Variants in HEBP1 observed in about 807,000 individuals in gnomAD.
The protein encoded by HEBP1 is heme binding protein 1, also known as heme-binding protein 1.
In HEBP1, 13 loss-of-function variants were observed where a neutral mutation model predicts 20.4. That is an observed-to-expected ratio of 0.64 (90% CI 0.42 to 1.01). HEBP1 has a LOEUF of 1.01. HEBP1 is among the 50% of genes least tolerant of loss of function. The pLI is 0.00. For missense variants in HEBP1, 241 were observed against 247.3 expected (o/e 0.97, Z 0.17); for synonymous variants, 92 against 90.7 (o/e 1.01, Z -0.08).
At chr12:12,995,500 C>T (rs558162462) in intron 1 of HEBP1, among the ~76,000 whole-genome samples, 13 of 152,244 alleles carry the variant, frequency 8.5e-5, no homozygotes, top group African/African-American at 2.4e-4. Context: ...ATGAGGACCT[C>T]GTCTAATAGG....
Position 12,989,380 on chromosome 12 carries a change from G to T in HEBP1, c.114C>A (p.Gly38=). ...TCACTTCTACTGTGGCAAATTTGCC[G>T]CCTTCACAGGCCCTTTCTTCATAGG... is the stretch of plus-strand genomic sequence containing the variant. ...EVAYEERACE[G]GKFATVEVTD... is the part of the protein sequence containing the mutation. The change falls in exon 2 of 4, where the codon GGC becomes GGA. Residue 38 remains glycine, a synonymous_variant. Coordinates refer to ENST00000014930, the MANE Select transcript of HEBP1 (RefSeq NM_015987.5). The T allele has an allele frequency of 6.2e-7, 1 of 1,614,110 alleles. No homozygotes were observed. The highest frequency in any genetic ancestry group is 8.5e-7 in the Non-Finnish European group (1 of 1,179,962).
At chr12:12,988,815 G>A (rs188267946) in intron 2 of HEBP1, among the ~76,000 whole-genome samples, 1 of 152,094 alleles carries the variant, frequency 6.6e-6, no homozygotes, top group Admixed American at 6.5e-5. Context: ...TTGCCAGACA[G>A]GGTCTGGAAC....
At chr12:12,984,992 A>G (rs1429569444) in intron 3 of HEBP1, among the ~76,000 whole-genome samples, 2 of 151,896 alleles carry the variant, frequency 1.3e-5, no homozygotes, top group African/African-American at 4.8e-5. Context: ...TCTACTAAAA[A>G]ACTACAAATA....
At chr12:12,982,522 T>C (rs1003347182) in intron 3 of HEBP1, among the ~76,000 whole-genome samples, 1 of 152,182 alleles carries the variant, frequency 6.6e-6, no homozygotes, top group Non-Finnish European at 1.5e-5. Flanking sequence ...TCCAAACTTC[T>C]CTTTCTCTAG....
At chr12:12,992,445 C>T (rs1321742296) in intron 1 of HEBP1, among the ~76,000 whole-genome samples, 1 of 151,608 alleles carries the variant, frequency 6.6e-6, no homozygotes, top group Non-Finnish European at 1.5e-5. Flanking sequence ...CTCAGGTGTT[C>T]TGCCCACCTC....
Position 12,989,365 on chromosome 12 carries a change from T to G in HEBP1, c.129A>C (p.Thr43=). Residue 43 remains threonine, a synonymous_variant, in exon 2 of 4, where the codon ACA becomes ACC. Coordinates refer to ENST00000014930, the MANE Select transcript of HEBP1 (RefSeq NM_015987.5). The part of the protein sequence containing the change: ...ERACEGGKFA[T]VEVTDKPVDE... The stretch of plus-strand genomic sequence containing the variant: ...CCACAGGCTTATCTGTCACTTCTAC[T>G]GTGGCAAATTTGCCGCCTTCACAGG... The G allele has an allele frequency of 6.2e-7, 1 of 1,614,238 alleles. No homozygotes were observed. The highest frequency in any genetic ancestry group is 8.5e-7 in the Non-Finnish European group (1 of 1,180,018).
At chr12:12,976,724 A>C (rs558053400) in intron 3 of HEBP1, among the ~76,000 whole-genome samples, 13 of 152,324 alleles carry the variant, frequency 8.5e-5, no homozygotes, top group African/African-American at 3.1e-4. Flanking sequence ...TGAAACTGAG[A>C]CCAATTTTGA....
At chr12:12,983,452 G>A (rs187478844) in intron 3 of HEBP1, 1 of 294,980 alleles carries the variant, frequency 3.4e-6, no homozygotes, top group Non-Finnish European at 6.8e-6. Context: ...AATGAAGGAC[G>A]CCAGGCTTTC....
chr12:12,988,306 C>T lies in HEBP1; in HGVS notation c.217+971G>A, dbSNP rs182203274. ...TTTAGTGAGTTTTATAATTCTCATA[C>T]ATATTTTCATTTAAAAAAATGTTAA... On this transcript the variant is annotated intron_variant, in intron 2 of 3. Transcript: ENST00000014930. Among the ~76,000 whole-genome samples the T allele has an allele frequency of 1.3e-3, 194 of 152,234 alleles. 1 individual carries two copies. The highest frequency in any genetic ancestry group is 2.5e-3 in the South Asian group (12 of 4,830).
In HEBP1 at chr12:13,000,172, G is replaced by A; in HGVS notation, c.-58C>T. The A allele has an allele frequency of 8.4e-7, 1 of 1,194,654 alleles. No individual in the cohort carries two copies. The highest frequency in any genetic ancestry group is 1.2e-6 in the Non-Finnish European group (1 of 846,218). The allele number at this position is 1,194,654 out of a possible 1,614,324, so 74.0% of individuals were successfully genotyped here. On this transcript the variant is annotated 5_prime_UTR_variant, in exon 1 of 4. Coordinates refer to ENST00000014930, the MANE Select transcript of HEBP1 (RefSeq NM_015987.5). ...GACGTGAGGTGGCGGGGGCGACGGAGCACCACGGGCAGCGACCACCGGCGG... is the reference window on the plus strand; with the variant it reads ...GACGTGAGGTGGCGGGGGCGACGGAACACCACGGGCAGCGACCACCGGCGG...
chr12:12,987,630 C>T (rs888368212), intron 2 of HEBP1, among the ~76,000 whole-genome samples: 4 of 151,388 alleles, frequency 2.6e-5, no homozygotes, highest in African/African-American at 9.7e-5. Context: ...CTCTCTCTCT[C>T]TCTCTTTCTT....
chr12:12,975,197 T>C lies in HEBP1; in HGVS notation c.*111A>G. On this transcript the variant is annotated 3_prime_UTR_variant, in exon 4 of 4. Transcript: ENST00000014930. ...GGCAGTAACTGACTTTGAAGGAAAG[T>C]TGGTTAAGTTGGACTTGCAGCTGGA... The C allele has an allele frequency of 2.0e-6, 2 of 984,764 alleles. No individual in the cohort carries two copies. Among genetic ancestry groups the C allele is most frequent in the Non-Finnish European group, 3.1e-6 (2 of 653,400 alleles). 61.0% of individuals were successfully genotyped at this position (984,764 alleles called of 1,614,324 possible).
intron 1 of HEBP1, 68 bp from the exon 2 acceptor site, chr12:12,989,483 T>C (rs764796571): frequency 6.5e-7 from 1 of 1,546,824 alleles, no homozygotes; most frequent in Admixed American, 1.7e-5. Flanking sequence ...CTAGAAGTAG[T>C]AACAGAGGGC....
At chr12:12,999,976 C>A (rs1864334367) in intron 1 of HEBP1, 61 bp downstream of exon 1, 2 of 1,210,132 alleles carry the variant, frequency 1.7e-6, no homozygotes, top group East Asian at 2.5e-5. Context: ...GCTGCAGCCC[C>A]GACGAGGGTG....
At chr12:12,981,159 A>C (rs1864076946) in intron 3 of HEBP1, among the ~76,000 whole-genome samples, 1 of 152,166 alleles carries the variant, frequency 6.6e-6, no homozygotes, top group South Asian at 2.1e-4. Context: ...TAGATGCAGA[A>C]GTGAAGGAGT....
At chr12:12,980,310 C>T (rs1232129207) in intron 3 of HEBP1, 2 of 152,142 alleles carry the variant, frequency 1.3e-5, no homozygotes, top group Admixed American at 6.5e-5. Flanking sequence ...TTTCTACCCT[C>T]GAGAGCTCTA....
intron 2 of HEBP1, 65 bp from the exon 3 acceptor site, chr12:12,987,397 G>A: frequency 7.7e-7 from 1 of 1,291,492 alleles, no homozygotes; most frequent in Non-Finnish European, 1.1e-6. Context: ...GGCTGTGGAA[G>A]ACACATTAGT....
Position 13,000,260 on chromosome 12 carries a change from G to A in HEBP1, c.-146C>T, listed in dbSNP as rs1048784142. 3 of 344,280 alleles carry A rather than the reference G, an allele frequency of 8.7e-6. No homozygotes were observed. The highest frequency in any genetic ancestry group is 8.9e-5 in the East Asian group (2 of 22,376). The allele number at this position is 344,280 out of a possible 1,614,324, so 21.3% of individuals were successfully genotyped here. ...TGGCAGGGCGGCAAGGCGGCGGGAC[G>A]GCGAGGCGGCGAGGCGAGAGGCGGG... On this transcript the variant is annotated 5_prime_UTR_variant, in exon 1 of 4. Transcript: ENST00000014930.
At chr12:12,993,874 T>C (rs1864260390) in intron 1 of HEBP1, among the ~76,000 whole-genome samples, 1 of 152,142 alleles carries the variant, frequency 6.6e-6, no homozygotes, top group Non-Finnish European at 1.5e-5. Context: ...CAGGGCAGTA[T>C]GGGAACACAG....
Sources: gnomAD v4.1 joint callset for allele counts (sites outside exome capture counted in the v4.1 genomes callset) on GRCh38, gnomAD v4.1.1 for gene constraint, MANE v1.5 for transcripts, NCBI Gene and HGNC (gene_info 2026-07-23, HGNC 2026-07-21) for gene names.